The following DMBT1 variants were observed in gnomAD, a reference collection of about 807,000 sequenced individuals.
The protein encoded by DMBT1 is deleted in malignant brain tumors 1.
Under a neutral mutation model 252.9 loss-of-function variants are expected in DMBT1, and 198 were observed. That is an observed-to-expected ratio of 0.78 (90% CI 0.70 to 0.88). DMBT1 has a LOEUF of 0.88. DMBT1 is among the 40% of genes least tolerant of loss of function. DMBT1 has a pLI of 0.00. For synonymous variants in DMBT1, 990 were observed against 942.7 expected (o/e 1.05, Z -0.92); for missense variants, 2,432 against 2,404.7 (o/e 1.01, Z -0.24).
At position 122,632,304 on chromosome 10, in the gene DMBT1, C is replaced by T. The variant is rs1315732858; in HGVS notation, c.6367+429C>T. On this transcript the variant is annotated intron_variant, in intron 50 of 55. Transcript: ENST00000338354. ...GCTTTGTCATCCCCTCCTGGCCTCC[C>T]ATAGCAGCAGCTTCAGGCCTGTGCC... is the stretch of plus-strand genomic sequence containing the variant. Among the ~76,000 whole-genome samples the T allele has an allele frequency of 2.6e-5, 4 of 152,138 alleles. No individual in the cohort carries two copies. The East Asian group carries it at 7.8e-4, about 30-fold the overall frequency.
At chr10:122,565,686 C>T (rs1434262696) in intron 1 of DMBT1, among the ~76,000 whole-genome samples, 1 of 152,226 alleles carries the variant, frequency 6.6e-6, no homozygotes, top group African/African-American at 2.4e-5. Flanking sequence ...TCTTTCCAAG[C>T]ATAGATTACA....
rs553806040 is a variant in DMBT1 at position 122,569,113 on chromosome 10, T to G, written c.92-1049T>G. ...GATCATCGGCCAGTCCTTCTAAAGCTGGATATAGTGGAGGCAGGCTTCAGT... is the reference window on the plus strand; with the variant it reads ...GATCATCGGCCAGTCCTTCTAAAGCGGGATATAGTGGAGGCAGGCTTCAGT... On this transcript the variant is annotated intron_variant, in intron 2 of 55. Coordinates refer to ENST00000338354, the MANE Select transcript of DMBT1 (RefSeq NM_001377530.1). Among the ~76,000 whole-genome samples, 20 of 142,292 alleles carry G rather than the reference T, an allele frequency of 1.4e-4. No homozygotes were observed. The Admixed American group carries it at 1.5e-3, about 10-fold the overall frequency. 93.3% of individuals were successfully genotyped at this position (142,292 alleles called of 152,430 possible).
At chr10:122,636,290 T>C in intron 53 of DMBT1, 91 bp downstream of exon 53, 1 of 1,227,794 alleles carries the variant, frequency 8.1e-7, no homozygotes. Flanking sequence ...AAATAAGAAA[T>C]GAAGGAACCC....
chr10:122,620,735 T>C (rs989823638), intron 43 of DMBT1, among the ~76,000 whole-genome samples: 1 of 152,182 alleles, frequency 6.6e-6, no homozygotes. Context: ...GTGAGGCAGG[T>C]CTTGGCCTCC....
At chr10:122,577,898 TC>T in intron 8 of DMBT1, 58 bp downstream of exon 8, 1 of 1,581,960 alleles carries the variant, frequency 6.3e-7, no homozygotes, top group African/African-American at 1.3e-5. Context: ...AGTTACCCCT[TC>T]CCTACTCCAC....
Position 122,572,317 on chromosome 10 carries a change from C to A in DMBT1, c.191C>A (p.Ser64Tyr). ...TCTTCCTTTCTCCACCCTGCAGGTTCTCCGATTTCCTTGGAGTCAACCCTG... is the reference window on the plus strand; with the variant it reads ...TCTTCCTTTCTCCACCCTGCAGGTTATCCGATTTCCTTGGAGTCAACCCTG... ...STLESTVAEGSPISLESTLES... is the reference protein window; with the variant it reads ...STLESTVAEGYPISLESTLES... The change falls in exon 5 of 56, where the codon TCT (serine) becomes TAT (tyrosine). Residue 64 changes from serine (S) to tyrosine (Y), a missense_variant. By Grantham distance (144) the Ser-to-Tyr change is moderately radical. Around this residue, in one of 3 missense-constraint regions of DMBT1, gnomAD observed 1,264 missense variants for 1,082.2 expected, o/e 1.17. Transcript: ENST00000338354. The A allele has an allele frequency of 6.8e-6, 11 of 1,613,294 alleles. No individual in the cohort carries two copies. The highest frequency in any genetic ancestry group is 7.6e-6 in the Non-Finnish European group (9 of 1,179,392).
At chr10:122,563,293 G>T (rs1015984695) in intron 1 of DMBT1, among the ~76,000 whole-genome samples, 1 of 152,176 alleles carries the variant, frequency 6.6e-6, no homozygotes, top group African/African-American at 2.4e-5. Context: ...TCCAACCCAT[G>T]CAGTATCTGG....
In DMBT1 at chr10:122,640,312, G is replaced by A. The variant is rs1844292020; in HGVS notation, c.7215G>A (p.Val2405=). 2.2e-5 allele frequency: 36 copies of A among 1,613,984 alleles called. No individual in the cohort carries two copies. The highest frequency in any genetic ancestry group is 3.0e-5 in the Non-Finnish European group (35 of 1,179,896). ...LYPVTSRPYY[V]DLNQDLYVQA... is the part of the protein sequence containing the mutation. ...CTGTGACCAGCCGCCCTTACTACGTGGACCTGAACCAGGACTTGTACGTTC... is the reference window on the plus strand; with the variant it reads ...CTGTGACCAGCCGCCCTTACTACGTAGACCTGAACCAGGACTTGTACGTTC... Residue 2405 remains valine (V), a synonymous_variant, in exon 55 of 56, where the codon GTG becomes GTA. Transcript: ENST00000338354.
intron 16 of DMBT1, among the ~76,000 whole-genome samples, chr10:122,588,180 C>A (rs765083558): frequency 3.4e-5 from 5 of 148,564 alleles, no homozygotes; most frequent in Non-Finnish European, 7.5e-5. Context: ...AATCTTCTCA[C>A]CCCCACTAGG....
chr10:122,580,509 A>T (rs1478685445), intron 10 of DMBT1, among the ~76,000 whole-genome samples: 1 of 152,178 alleles, frequency 6.6e-6, no homozygotes, highest in East Asian at 1.9e-4. Context: ...TGGCCTTGTC[A>T]TTGCCTGTGA....
chr10:122,580,539 C>G (rs1036158763), intron 10 of DMBT1, among the ~76,000 whole-genome samples: 4 of 152,188 alleles, frequency 2.6e-5, no homozygotes, highest in African/African-American at 9.7e-5. Flanking sequence ...GAAGATCGCA[C>G]AAGGGATTTT....
chr10:122,636,467 C>A lies in DMBT1; in HGVS notation c.6757+268C>A, dbSNP rs541182857. Reference sequence around the variant, plus strand: ...GTAGAGGGTCCCAGATGATGCTCTTCGTGGAGAGTGATGAGTCAGTGCCAA... The same window carrying A: ...GTAGAGGGTCCCAGATGATGCTCTTAGTGGAGAGTGATGAGTCAGTGCCAA... On this transcript the variant is annotated intron_variant, in intron 53 of 55. Transcript: ENST00000338354. 8.5e-4 allele frequency among the ~76,000 whole-genome samples: 130 copies of A among 152,314 alleles called. 1 individual carries two copies. Among genetic ancestry groups the A allele is most frequent in the African/African-American group, 2.9e-3 (121 of 41,572 alleles).
rs1035651332 is a variant in DMBT1, at chr10:122,579,917, C to T, written c.1003+16C>T. On this transcript the variant is annotated intron_variant, in intron 10 of 55. Coordinates refer to ENST00000338354, the MANE Select transcript of DMBT1 (RefSeq NM_001377530.1). ...ATCTGCTCAGGTGGGCCTTCAAGAACTTGGGCTCACTCTCTTGGGGTGGAG... is the reference window on the plus strand; with the variant it reads ...ATCTGCTCAGGTGGGCCTTCAAGAATTTGGGCTCACTCTCTTGGGGTGGAG... The T allele has an allele frequency of 6.2e-7, 1 of 1,613,722 alleles. No homozygotes were observed. The highest frequency in any genetic ancestry group is 1.3e-5 in the African/African-American group (1 of 74,932).
intron 4 of DMBT1, 129 bp from the exon 5 acceptor site, chr10:122,572,184 GC>G (rs1212116792): frequency 7.8e-7 from 1 of 1,278,038 alleles, no homozygotes; most frequent in Admixed American, 1.7e-5. Context: ...CACATGGTTG[GC>G]TTTTAGCAAT....
intron 43 of DMBT1, 139 bp downstream of exon 43, chr10:122,620,430 C>T (rs2098053894): frequency 1.0e-6 from 1 of 982,198 alleles, no homozygotes; most frequent in Non-Finnish European, 1.5e-6. Context: ...GGTAGACTCC[C>T]TGGGAACCTA....
intron 17 of DMBT1, 53 bp from the exon 18 acceptor site, chr10:122,590,612 G>T (rs2097842224): frequency 6.3e-7 from 1 of 1,574,958 alleles, no homozygotes; most frequent in African/African-American, 1.3e-5. Flanking sequence ...CCTTTGTTCT[G>T]GTTTTGCCAG....
chr10:122,566,036 G>A (rs780244386), intron 2 of DMBT1, 40 bp downstream of exon 2: 3 of 1,609,806 alleles, frequency 1.9e-6, no homozygotes, highest in African/African-American at 1.3e-5. Context: ...GGTGGGGTTG[G>A]CCAGTTCTCC....
At chr10:122,627,984 A>T (rs150957382) in intron 46 of DMBT1, among the ~76,000 whole-genome samples, 7 of 152,362 alleles carry the variant, frequency 4.6e-5, no homozygotes, top group Admixed American at 6.5e-5. Context: ...TGAAACACCC[A>T]GTAGGTGGGC....
At position 122,586,338 on chromosome 10, in the gene DMBT1, T is replaced by A. The variant is rs764795963; in HGVS notation, c.1738T>A (p.Ser580Thr). The change falls in exon 16 of 56, where the codon TCC (serine) becomes ACC (threonine). Residue 580 changes from serine (S) to threonine (T), a missense_variant. By Grantham distance (58) the Ser-to-Thr change is moderately conservative. Coordinates refer to ENST00000338354, the MANE Select transcript of DMBT1 (RefSeq NM_001377530.1). ...GAGCTGCCCCCACAATGGCTGGCTC[T>A]CCCATAACTGTGGCCATAGTGAAGA... Reference protein sequence around the residue: ...LWSCPHNGWLSHNCGHSEDAG... With the variant: ...LWSCPHNGWLTHNCGHSEDAG... 62 of 1,588,652 alleles carry A rather than the reference T, an allele frequency of 3.9e-5. 3 individuals carry two copies. In the African/African-American group the frequency reaches 7.8e-4, roughly 20 times the overall value.
Sources: gnomAD v4.1 joint callset for allele counts (sites outside exome capture counted in the v4.1 genomes callset) on GRCh38, gnomAD v4.1.1 for gene constraint, gnomAD v4.1.1 regional missense constraint, MANE v1.5 for transcripts, NCBI Gene and HGNC (gene_info 2026-07-23, HGNC 2026-07-21) for gene names.